UNC5D: variants seen among roughly 807,000 people sequenced by gnomAD.
UNC5D encodes the protein unc-5 netrin receptor D.
Under a neutral mutation model 105.4 loss-of-function variants are expected in UNC5D, and 39 were observed. The ratio of observed to expected loss-of-function variants is 0.37; its 90% CI spans 0.29 to 0.48. The LOEUF (loss-of-function observed/expected upper bound fraction) is 0.48, where lower values mean the gene tolerates loss of function less well. UNC5D is among the 20% of genes least tolerant of loss of function. The probability of loss-of-function intolerance (pLI) is 0.98; values close to 1 mark genes in which losing one functional copy is unlikely to be tolerated. For missense variants in UNC5D, 991 were observed against 1,202.4 expected (o/e 0.82, Z 2.60); for synonymous variants, 452 against 450.4 (o/e 1.00, Z -0.04).
At chr8:35,522,907 C>T (rs1813589307) in intron 1 of UNC5D, among the ~76,000 whole-genome samples, 1 of 152,046 alleles carries the variant, frequency 6.6e-6, no homozygotes, top group South Asian at 2.1e-4. Flanking sequence ...ATGATTTGTA[C>T]CTTGCTCTGA....
intron 1 of UNC5D, among the ~76,000 whole-genome samples, chr8:35,361,950 T>C (rs554328781): frequency 6.6e-6 from 1 of 152,208 alleles, no homozygotes; most frequent in African/African-American, 2.4e-5. Context: ...TTTGGTTATT[T>C]GTCGGTGGCA....
At chr8:35,599,840 T>C (rs1819730838) in intron 4 of UNC5D, among the ~76,000 whole-genome samples, 1 of 152,218 alleles carries the variant, frequency 6.6e-6, no homozygotes, top group African/African-American at 2.4e-5. Flanking sequence ...TTAGGGTACA[T>C]GTGCACAACG....
rs1023982915 is a variant in UNC5D at position 35,570,550 on chromosome 8, T to G, written c.466+2309T>G. 2.0e-5 allele frequency among the ~76,000 whole-genome samples: 3 copies of G among 152,196 alleles called. No individual in the cohort carries two copies. In the East Asian group the frequency reaches 5.8e-4, roughly 29 times the overall value. On this transcript the variant is annotated intron_variant, in intron 3 of 16. Coordinates refer to ENST00000404895, the MANE Select transcript of UNC5D (RefSeq NM_080872.4). ...ATTTAAACAAATTGAATTAAAATTT[T>G]AGTAACCTAGTAATTTTTCTTTAGA...
At chr8:35,768,614 A>G (rs1801876169) in intron 15 of UNC5D, among the ~76,000 whole-genome samples, 1 of 152,224 alleles carries the variant, frequency 6.6e-6, no homozygotes, top group Admixed American at 6.5e-5. Context: ...GCATCCAGAT[A>G]TTAGTGATCA....
At chr8:35,292,525 G>T (rs1807145493) in intron 1 of UNC5D, among the ~76,000 whole-genome samples, 1 of 152,046 alleles carries the variant, frequency 6.6e-6, no homozygotes, top group South Asian at 2.1e-4. Context: ...ATTTACAGTT[G>T]ACCTTTGAAA....
chr8:35,769,463 C>T (rs1801914179), intron 15 of UNC5D, among the ~76,000 whole-genome samples: 1 of 152,140 alleles, frequency 6.6e-6, no homozygotes, highest in Admixed American at 6.5e-5. Context: ...TATATGAAAA[C>T]TGGGAAGTTC....
intron 1 of UNC5D, among the ~76,000 whole-genome samples, chr8:35,297,365 A>G (rs181692285): frequency 2.0e-5 from 3 of 152,216 alleles, no homozygotes; most frequent in African/African-American, 7.2e-5. Flanking sequence ...TCTACATATC[A>G]GAAAATATTT....
At chr8:35,604,610 G>A (rs1450113610) in intron 4 of UNC5D, among the ~76,000 whole-genome samples, 1 of 152,186 alleles carries the variant, frequency 6.6e-6, no homozygotes, top group Non-Finnish European at 1.5e-5. Context: ...GATTGGGGAT[G>A]TTCTCCTGGA....
chr8:35,733,188 G>A (rs1227329722), intron 11 of UNC5D, among the ~76,000 whole-genome samples: 1 of 152,082 alleles, frequency 6.6e-6, no homozygotes, highest in Non-Finnish European at 1.5e-5. Flanking sequence ...CTGGGCTAAA[G>A]GCCATTTACC....
intron 1 of UNC5D, among the ~76,000 whole-genome samples, chr8:35,406,267 T>C (rs1310260013): frequency 6.6e-6 from 1 of 152,206 alleles, no homozygotes; most frequent in Admixed American, 6.5e-5. Flanking sequence ...TGGTAAACTG[T>C]TAACTGTTTT....
intron 16 of UNC5D, among the ~76,000 whole-genome samples, chr8:35,781,087 G>T (rs979339312): frequency 2.6e-4 from 39 of 152,084 alleles, no homozygotes; most frequent in African/African-American, 9.4e-4. Flanking sequence ...GCCCATATCA[G>T]GTTTTTTTGG....
chr8:35,465,628 A>G (rs183432449), intron 1 of UNC5D, among the ~76,000 whole-genome samples: 193 of 152,274 alleles, frequency 1.3e-3, no homozygotes, highest in African/African-American at 4.6e-3. Flanking sequence ...TCTACTCATC[A>G]TTCTCTTAAT....
At chr8:35,742,178 C>T (rs745469450) in intron 11 of UNC5D, among the ~76,000 whole-genome samples, 79 of 150,878 alleles carry the variant, frequency 5.2e-4, no homozygotes, top group African/African-American at 1.8e-3. Context: ...CTAGGAGATT[C>T]GATGATGTCA....
intron 8 of UNC5D, among the ~76,000 whole-genome samples, chr8:35,711,778 C>T (rs1401753186): frequency 2.0e-5 from 3 of 152,124 alleles, no homozygotes; most frequent in South Asian, 2.1e-4. Context: ...CAAACTATCC[C>T]GTTTTTGTTC....
intron 1 of UNC5D, among the ~76,000 whole-genome samples, chr8:35,271,792 A>T (rs375604308): frequency 6.8e-6 from 1 of 147,526 alleles, no homozygotes; most frequent in Non-Finnish European, 1.5e-5. Flanking sequence ...CTCTATCTGT[A>T]TAAGTGCCTA....
intron 1 of UNC5D, among the ~76,000 whole-genome samples, chr8:35,479,252 T>C (rs938980293): frequency 8.5e-5 from 13 of 152,220 alleles, no homozygotes; most frequent in African/African-American, 3.1e-4. Flanking sequence ...TGATTCCTTA[T>C]GAAGGCAATT....
chr8:35,605,545 G>A (rs536828786), intron 4 of UNC5D, among the ~76,000 whole-genome samples: 1 of 152,140 alleles, frequency 6.6e-6, no homozygotes, highest in Non-Finnish European at 1.5e-5. Flanking sequence ...GCTGTGTGCT[G>A]GGAGAACCAC....
At chr8:35,787,635 T>A (rs1192177072) in intron 16 of UNC5D, among the ~76,000 whole-genome samples, 2 of 152,186 alleles carry the variant, frequency 1.3e-5, no homozygotes, top group Non-Finnish European at 2.9e-5. Flanking sequence ...TGTCTTTTTT[T>A]GAGACAGGGT....
rs567268700 is a variant in UNC5D at position 35,330,592 on chromosome 8, G to A, written c.103+94705G>A. Among the ~76,000 whole-genome samples, 18 of 152,248 alleles carry A rather than the reference G, an allele frequency of 1.2e-4. No homozygotes were observed. The East Asian group carries it at 3.1e-3, about 26-fold the overall frequency. ...TTCCATTTAGATCCAATCTAGATACGTTTTTGCAGGGCCTCTATCATTTTT... is the reference window on the plus strand; with the variant it reads ...TTCCATTTAGATCCAATCTAGATACATTTTTGCAGGGCCTCTATCATTTTT... On this transcript the variant is annotated intron_variant, in intron 1 of 16. Transcript: ENST00000404895.
Sources: allele counts gnomAD v4.1 joint callset (sites outside exome capture counted in the v4.1 genomes callset), GRCh38; gene constraint gnomAD v4.1.1; transcripts MANE v1.5; gene names NCBI Gene and HGNC (gene_info 2026-07-23, HGNC 2026-07-21).